OBSL1: variants seen among roughly 807,000 people sequenced by gnomAD.
OBSL1 encodes obscurin-like protein 1.
Under a neutral mutation model 172.0 loss-of-function variants are expected in OBSL1, and 160 were observed. The observed-to-expected ratio is 0.93, with a 90% CI of 0.82 to 1.06. OBSL1 has a LOEUF of 1.06. Ranked by LOEUF, OBSL1 falls within the 50% of genes least tolerant of loss-of-function variation. The pLI is 0.00. For synonymous variants in OBSL1, 1,200 were observed against 1,196.3 expected (o/e 1.00, Z -0.06); for missense variants, 2,681 against 2,715.4 (o/e 0.99, Z 0.28).
chr2:219,549,585 G>A (rs1695494765), downstream of OBSL1: 2 of 1,387,986 alleles, frequency 1.4e-6, no homozygotes, highest in Admixed American at 2.2e-5. Context: ...GGTATGTGGT[G>A]GGGTCTCAGG....
chr2:219,551,767 AG>A lies in OBSL1; in HGVS notation c.5444del (p.Pro1815LeufsTer16), dbSNP rs748594277. On this transcript the variant is annotated frameshift_variant, in exon 20 of 21. Transcript: ENST00000404537. LOFTEE classifies it high-confidence loss of function. ...ALPLQMCRHP[P>X]REKTVLVGRR... is the part of the protein sequence containing the mutation. ...GGCCCACCAGAACGGTCTTCTCGCGAGGGGGGTGGCGGCACATCTGGAGAGG... is the reference window on the plus strand; with the variant it reads ...GGCCCACCAGAACGGTCTTCTCGCGAGGGGGTGGCGGCACATCTGGAGAGG... 1.3e-6 allele frequency: 2 copies of A among 1,592,388 alleles called. No individual in the cohort carries two copies.
chr2:219,563,439 GCAC>G lies in OBSL1; in HGVS notation c.2593_2595del (p.Val865del). 1 of 1,613,674 alleles carries G rather than the reference GCAC, an allele frequency of 6.2e-7. No homozygotes were observed. Among genetic ancestry groups the G allele is most frequent in the Non-Finnish European group, 8.5e-7 (1 of 1,179,690 alleles). ...CCGTCTGAGGGCTGGGTGGCGGGCA[GCAC>G]CAGGCGGCGATGGGGCCCCTCATTC... On this transcript the variant is annotated inframe_deletion, in exon 7 of 21. Transcript: ENST00000404537.
chr2:219,558,047 TC>T lies in OBSL1; in HGVS notation c.3565del (p.Glu1189SerfsTer5). 1 of 1,613,462 alleles carries T rather than the reference TC, an allele frequency of 6.2e-7. No homozygotes were observed. The highest frequency in any genetic ancestry group is 8.5e-7 in the Non-Finnish European group (1 of 1,179,814). ...TPSPLCVAPG[E>X]PVVLSCELSR... ...CAGTTCACAGCTCAGCACCACTGGC[TC>T]CCCAGGGGCCACACAGAGCGGGCTT... On this transcript the variant is annotated frameshift_variant, in exon 11 of 21. Transcript: ENST00000404537. LOFTEE classifies it high-confidence loss of function.
chr2:219,561,974 ATTG>A (rs1696509612), intron 8 of OBSL1: 1 of 717,406 alleles, frequency 1.4e-6, no homozygotes, highest in Non-Finnish European at 2.6e-6. Flanking sequence ...ATAACTCCGG[ATTG>A]TTATTTGAAC....
In OBSL1 at chr2:219,554,608, G is replaced by A; in HGVS notation, c.4742C>T (p.Pro1581Leu). ...CGAGTGGATGTGACACTTGGGTCCT[G>A]GATACAGCTGTACTCCACCCCGGGC... The part of the protein sequence containing the change: ...EWARGGVQLY[P>L]GPKCHIHSDG... Residue 1581 changes from proline (P) to leucine (L), a missense_variant, in exon 15 of 21, where the codon CCA becomes CTA. Pro to Leu is a moderately conservative substitution (Grantham distance 98). This residue lies in a region of OBSL1 where 1,765 missense variants were observed against 1,748.3 expected (regional missense o/e 1.01). Transcript: ENST00000404537. The A allele has an allele frequency of 6.2e-7, 1 of 1,613,076 alleles. No individual in the cohort carries two copies. Among genetic ancestry groups the A allele is most frequent in the Non-Finnish European group, 8.5e-7 (1 of 1,179,696 alleles).
rs756748332 is a variant in OBSL1, at chr2:219,556,536, CAAGGTT to C, written c.4248_4253del (p.Thr1417_Leu1418del). ...CTGCATCCCCCAGTTGGCAGCCTCG[CAAGGTT>C]AAGATGCGGCTTGAACCATTCTGGG... On this transcript the variant is annotated inframe_deletion, in exon 13 of 21. Transcript: ENST00000404537. 1.9e-6 allele frequency: 3 copies of C among 1,613,998 alleles called. No individual in the cohort carries two copies. The highest frequency in any genetic ancestry group is 2.5e-6 in the Non-Finnish European group (3 of 1,179,904).
intron 20 of OBSL1, chr2:219,551,137 T>C (rs1181839586): frequency 4.3e-6 from 6 of 1,396,524 alleles, no homozygotes; most frequent in African/African-American, 1.4e-5. Context: ...CTTGCTGAGA[T>C]GGGCAGAGGC....
chr2:219,571,296 C>G lies in OBSL1; in HGVS notation c.-64G>C, dbSNP rs112857155. The G allele has an allele frequency of 5.0e-6, 5 of 995,230 alleles. No homozygotes were observed. In the African/African-American group the frequency reaches 6.6e-5, roughly 13 times the overall value. The allele number at this position is 995,230 out of a possible 1,614,324, so 61.6% of individuals were successfully genotyped here. ...GGCAGGGGGGGGTGCGGAGGGCGAGCCGAGGCCCGGGGCGGCGGGGTCGGG... is the reference window on the plus strand; with the variant it reads ...GGCAGGGGGGGGTGCGGAGGGCGAGGCGAGGCCCGGGGCGGCGGGGTCGGG... On this transcript the variant is annotated 5_prime_UTR_variant, in exon 1 of 21. Coordinates refer to ENST00000404537, the MANE Select transcript of OBSL1 (RefSeq NM_015311.3).
chr2:219,557,459 A>T lies in OBSL1; in HGVS notation c.3950T>A (p.Leu1317Gln), dbSNP rs115283876. 2,360 of 1,548,662 alleles carry T rather than the reference A, an allele frequency of 1.5e-3. 34 individuals carry two copies. In the African/African-American group the frequency reaches 0.027, roughly 18 times the overall value. ...CACCTGCCTGGCCCCGGCCTGCTCC[A>T]GCTGCACCCGCCCCTGGCTTGCCAG... ...ERLASQGRVQ[L>Q]EQAGARQVLR... The change falls in exon 12 of 21, where the codon CTG becomes CAG. Residue 1317 changes from leucine to glutamine, a missense_variant. Leu to Gln is a moderately radical substitution (Grantham distance 113, BLOSUM62 -2). This residue lies in a region of OBSL1 where 1,765 missense variants were observed against 1,748.3 expected (regional missense o/e 1.01). Transcript: ENST00000404537.
chr2:219,551,474 C>T, intron 20 of OBSL1, 55 bp downstream of exon 20: 2 of 1,517,140 alleles, frequency 1.3e-6, no homozygotes, highest in Non-Finnish European at 1.8e-6. Context: ...TGGCTTAACC[C>T]ATCAGCTCCC....
At chr2:219,547,912 C>A, downstream of OBSL1, 1 of 1,596,090 alleles carries the variant, frequency 6.3e-7, no homozygotes, top group Non-Finnish European at 8.5e-7. Flanking sequence ...CTGACTACTT[C>A]GCCGAGCTGC....
At position 219,563,394 on chromosome 2, in the gene OBSL1, C is replaced by T. The variant is rs747110489; in HGVS notation, c.2641G>A (p.Ala881Thr). ...PSDGGEFQCV[A>T]GDECAYFTVT... The stretch of plus-strand genomic sequence containing the variant: ...GTGAAGTAGGCACACTCATCTCCAG[C>T]GACGCACTGAAACTCGCCCCCGTCT... Residue 881 changes from alanine (A) to threonine (T), a missense_variant, in exon 7 of 21, where the codon GCT becomes ACT. Ala to Thr is a moderately conservative substitution (Grantham distance 58). Coordinates refer to ENST00000404537, the MANE Select transcript of OBSL1 (RefSeq NM_015311.3). 1.1e-5 allele frequency: 17 copies of T among 1,602,858 alleles called. No individual in the cohort carries two copies. The highest frequency in any genetic ancestry group is 5.1e-5 in the Admixed American group (3 of 59,248).
Position 219,570,794 on chromosome 2 carries a change from G to A in OBSL1, c.439C>T (p.Leu147=), listed in dbSNP as rs1413516386. Residue 147 remains leucine (L), a synonymous_variant, in exon 1 of 21, where the codon CTG becomes TTG. Coordinates refer to ENST00000404537, the MANE Select transcript of OBSL1 (RefSeq NM_015311.3). The part of the protein sequence containing the change: ...QWVLRGAEVV[L]TCRAGGLPEP... ...GGGAGGCCCCCCGCCCGGCACGTCA[G>A]CACCACCTCCGCCCCCCGCAGCACC... 2.2e-5 allele frequency: 33 copies of A among 1,496,242 alleles called. No individual in the cohort carries two copies. The highest frequency in any genetic ancestry group is 2.8e-5 in the Non-Finnish European group (32 of 1,130,732). 92.7% of individuals were successfully genotyped at this position (1,496,242 alleles called of 1,614,324 possible). A position where few individuals can be genotyped will look rare whatever the true frequency, so the allele number is the denominator to read the frequency against.
chr2:219,554,756 GGA>G lies in OBSL1; in HGVS notation c.4610-18_4610-17del, dbSNP rs1470848619. ...AGCTGCCTCGCTGGCCGGGGGAGAT[GGA>G]GAGAGGGAGGATGAGGCCTCCAGCT... On this transcript the variant is annotated splice_polypyrimidine_tract_variant and intron_variant, in intron 14 of 20. Coordinates refer to ENST00000404537, the MANE Select transcript of OBSL1 (RefSeq NM_015311.3). The G allele has an allele frequency of 3.3e-6, 5 of 1,528,086 alleles. No homozygotes were observed. The highest frequency in any genetic ancestry group is 2.5e-5 in the South Asian group (2 of 80,446). 94.7% of individuals were successfully genotyped at this position (1,528,086 alleles called of 1,614,324 possible). A position where few individuals can be genotyped will look rare whatever the true frequency, so the allele number is the denominator to read the frequency against.
At chr2:219,549,633 T>A (rs185330315), downstream of OBSL1, 1 of 1,579,130 alleles carries the variant, frequency 6.3e-7, no homozygotes, top group Admixed American at 1.7e-5. Context: ...TATAGAAGTG[T>A]CAGGCTTGTG....
At position 219,570,280 on chromosome 2, in the gene OBSL1, A is replaced by T; in HGVS notation, c.953T>A (p.Val318Asp). The stretch of plus-strand genomic sequence containing the variant: ...GCCCGCCGAGTTGCGCGCGGCGCAG[A>T]CGTAGAGCCCACGATCCTTGGCCTG... ...YCQAKDRGLY[V>D]CAARNSAGQT... The change falls in exon 1 of 21, where the codon GTC becomes GAC. Residue 318 changes from valine to aspartate, a missense_variant. Val to Asp is a radical substitution (Grantham distance 152). Transcript: ENST00000404537. The T allele has an allele frequency of 1.2e-6, 2 of 1,606,880 alleles. No homozygotes were observed. The highest frequency in any genetic ancestry group is 1.7e-6 in the Non-Finnish European group (2 of 1,175,142).
chr2:219,557,467 C>T lies in OBSL1; in HGVS notation c.3942G>A (p.Arg1314=). The T allele has an allele frequency of 6.4e-7, 1 of 1,551,186 alleles. No homozygotes were observed. The highest frequency in any genetic ancestry group is 1.4e-5 in the African/African-American group (1 of 73,260). Residue 1314 remains arginine, a synonymous_variant, in exon 12 of 21, where the codon CGG becomes CGA. Coordinates refer to ENST00000404537, the MANE Select transcript of OBSL1 (RefSeq NM_015311.3). ...KDGERLASQG[R]VQLEQAGARQ... ...TGGCCCCGGCCTGCTCCAGCTGCAC[C>T]CGCCCCTGGCTTGCCAGTCGCTCCC...
At position 219,563,538 on chromosome 2, in the gene OBSL1, G is replaced by A. The variant is rs779374851; in HGVS notation, c.2497C>T (p.Arg833Ter). 5.6e-6 allele frequency: 9 copies of A among 1,613,702 alleles called. No individual in the cohort carries two copies. The highest frequency in any genetic ancestry group is 1.7e-5 in the Admixed American group (1 of 59,992). Residue 833 changes from arginine (R) to a stop codon, truncating the protein, a stop_gained, in exon 7 of 21, where the codon CGA (arginine) becomes TGA (stop). Coordinates refer to ENST00000404537, the MANE Select transcript of OBSL1 (RefSeq NM_015311.3). LOFTEE classifies it high-confidence loss of function. ...ECVMLACEVD[R>*]EDAPVRWYKD... is the part of the protein sequence containing the mutation. ...TACCAACGCACAGGGGCGTCCTCTC[G>A]GTCCACCTCACAGGCCAGCATGACA...
At position 219,565,417 on chromosome 2, in the gene OBSL1, G is replaced by T; in HGVS notation, c.2232C>A (p.Asp744Glu). 1 of 1,613,936 alleles carries T rather than the reference G, an allele frequency of 6.2e-7. No homozygotes were observed. Reference protein sequence around the residue: ...VVLTCELSRVDFPATWYKDGQ... With the variant: ...VVLTCELSRVEFPATWYKDGQ... ...CATCCTTGTACCAGGTTGCCGGGAAGTCCACCCTTGAGAGCTCACAAGTCA... is the reference window on the plus strand; with the variant it reads ...CATCCTTGTACCAGGTTGCCGGGAATTCCACCCTTGAGAGCTCACAAGTCA... The change falls in exon 6 of 21, where the codon GAC (aspartate) becomes GAA (glutamate). Residue 744 changes from aspartate (D) to glutamate (E), a missense_variant. Around this residue, in one of 5 missense-constraint regions of OBSL1, gnomAD observed 1,765 missense variants for 1,748.3 expected, o/e 1.01. Transcript: ENST00000404537.
Sources: allele counts gnomAD v4.1 joint callset, GRCh38; gene constraint gnomAD v4.1.1; regional missense constraint gnomAD v4.1.1; transcripts MANE v1.5; gene names NCBI Gene and HGNC (gene_info 2026-07-23, HGNC 2026-07-21).